The following RIMS2 variants were observed in gnomAD, a reference collection of about 807,000 sequenced individuals.
RIMS2 encodes regulating synaptic membrane exocytosis 2, also known as regulating synaptic membrane exocytosis protein 2.
RIMS2 carries 59 observed loss-of-function variants against 174.4 expected under a neutral mutation model. That is an observed-to-expected ratio of 0.34 (90% confidence interval 0.27 to 0.42). RIMS2 has a LOEUF of 0.42. RIMS2 is among the 10% of genes least tolerant of loss of function. The pLI, the probability that RIMS2 is intolerant of heterozygous loss-of-function variation, is 1.00. For missense variants in RIMS2, 1,620 were observed against 1,666.3 expected, an observed-to-expected ratio of 0.97 and a Z score of 0.48; for synonymous variants, 606 against 572.5, an observed-to-expected ratio of 1.06 and a Z score of -0.84.
chr8:103,610,418 G>C (rs1176163215), intron 1 of RIMS2, among the ~76,000 whole-genome samples: 1 of 152,116 alleles, frequency 6.6e-6, no homozygotes, highest in Non-Finnish European at 1.5e-5. Flanking sequence ...TGATTTTCAA[G>C]GGGAATGCCT....
At chr8:103,914,489 T>C (rs370048358) in intron 6 of RIMS2, among the ~76,000 whole-genome samples, 1 of 152,190 alleles carries the variant, frequency 6.6e-6, no homozygotes, top group African/African-American at 2.4e-5. Context: ...TTATAGCCAG[T>C]ATAATTAATT....
At chr8:104,254,201 G>GGT (rs1215601565), downstream of RIMS2, 4 of 64,770 alleles carry the variant, frequency 6.2e-5, no homozygotes, top group East Asian at 6.6e-4. Context: ...TTTAAAAGTT[G>GGT]GTGTTTTTTT....
rs758129988 is a variant in RIMS2 at position 103,652,602 on chromosome 8, C to T, written c.177-44484C>T. 9 of 1,250,124 alleles carry T rather than the reference C, an allele frequency of 7.2e-6. No homozygotes were observed. The South Asian group carries it at 1.1e-4, about 15-fold the overall frequency. The allele number at this position is 1,250,124 out of a possible 1,614,324, so 77.4% of individuals were successfully genotyped here. The stretch of plus-strand genomic sequence containing the variant: ...TGTTATTCATTTGGTTATTCAGTCA[C>T]ATTATTTGCTTATTTAAACAGGTGG... On this transcript the variant is annotated intron_variant, in intron 1 of 23. Transcript: ENST00000504942.
intron 19 of RIMS2, among the ~76,000 whole-genome samples, chr8:104,172,012 TG>T (rs2098835329): frequency 6.6e-6 from 1 of 152,158 alleles, no homozygotes; most frequent in African/African-American, 2.4e-5. Context: ...CTGTCTCCCA[TG>T]GGGTTGGAAT....
chr8:103,594,434 A>G (rs2094404379), intron 1 of RIMS2, among the ~76,000 whole-genome samples: 1 of 151,652 alleles, frequency 6.6e-6, no homozygotes, highest in African/African-American at 2.4e-5. Context: ...AACAGTATGT[A>G]TTAAATAAGG....
chr8:103,608,837 G>A (rs553282817), intron 1 of RIMS2, among the ~76,000 whole-genome samples: 5 of 152,296 alleles, frequency 3.3e-5, no homozygotes, highest in South Asian at 2.1e-4. Context: ...GCAATGCCTC[G>A]CCCTGCTTTG....
At chr8:104,035,841 A>G (rs901464884) in intron 19 of RIMS2, among the ~76,000 whole-genome samples, 1 of 152,120 alleles carries the variant, frequency 6.6e-6, no homozygotes, top group African/African-American at 2.4e-5. Context: ...TAAAATAAAC[A>G]TATTTTATTC....
intron 1 of RIMS2, among the ~76,000 whole-genome samples, chr8:103,506,183 T>C (rs1170909069): frequency 6.6e-6 from 1 of 152,098 alleles, no homozygotes; most frequent in East Asian, 1.9e-4. Context: ...AAAAAATTGA[T>C]TGACATTTTA....
intron 2 of RIMS2, among the ~76,000 whole-genome samples, chr8:103,759,564 CAAAAAAA>C (rs35946104): frequency 1.0e-3 from 71 of 70,016 alleles, no homozygotes; most frequent in Non-Finnish European, 1.5e-3. Context: ...GACTCCGTCT[CAAAAAAA>C]AAAAAAAAAA....
chr8:103,503,800 G>A (rs1357682166), intron 1 of RIMS2, among the ~76,000 whole-genome samples: 1 of 151,902 alleles, frequency 6.6e-6, no homozygotes, highest in Non-Finnish European at 1.5e-5. Flanking sequence ...ATACCTAGAT[G>A]CATATAATTT....
intron 1 of RIMS2, among the ~76,000 whole-genome samples, chr8:103,551,445 T>C (rs1847862845): frequency 6.6e-6 from 1 of 152,212 alleles, no homozygotes; most frequent in African/African-American, 2.4e-5. Context: ...TGATGGGATG[T>C]ATCTCAAAAT....
chr8:104,041,326 A>G (rs531544501), intron 19 of RIMS2: 47 of 698,696 alleles, frequency 6.7e-5, no homozygotes, highest in Non-Finnish European at 1.2e-4. Flanking sequence ...GTGATCACAG[A>G]AGAACTGGAC....
At chr8:103,993,659 C>T (rs16870872) in intron 17 of RIMS2, among the ~76,000 whole-genome samples, 2,552 of 152,056 alleles carry the variant, frequency 0.017, 34 homozygotes, top group Non-Finnish European at 0.027. Flanking sequence ...TGCTGTATTT[C>T]GGAAACATTT....
chr8:104,032,063 G>C (rs1029916414), intron 19 of RIMS2, among the ~76,000 whole-genome samples: 3 of 151,884 alleles, frequency 2.0e-5, no homozygotes, highest in Admixed American at 2.0e-4. Context: ...TTACATATTT[G>C]ATTATGTTGA....
intron 19 of RIMS2, among the ~76,000 whole-genome samples, chr8:104,220,903 C>T (rs7818077): frequency 0.034 from 5,122 of 152,192 alleles, 196 homozygotes; most frequent in East Asian, 0.15. Flanking sequence ...CACCTGAGCT[C>T]AGCTTGCCAA....
intron 3 of RIMS2, among the ~76,000 whole-genome samples, chr8:103,814,081 A>G (rs1238523229): frequency 6.6e-6 from 1 of 152,176 alleles, no homozygotes. Flanking sequence ...AAAGAACAAG[A>G]TTATGTTTTT....
chr8:103,920,570 CTACTT>C, intron 9 of RIMS2: 1 of 443,096 alleles, frequency 2.3e-6, no homozygotes, highest in South Asian at 1.6e-5. Flanking sequence ...ACACTAGTCT[CTACTT>C]TGACATTTGG....
intron 4 of RIMS2, among the ~76,000 whole-genome samples, chr8:103,886,902 C>T (rs2099206091): frequency 6.6e-6 from 1 of 151,530 alleles, no homozygotes; most frequent in Non-Finnish European, 1.5e-5. Flanking sequence ...GCTGTGGCTT[C>T]CATTTGCCAA....
At chr8:104,033,655 A>G (rs2154556583) in intron 19 of RIMS2, among the ~76,000 whole-genome samples, 1 of 151,090 alleles carries the variant, frequency 6.6e-6, no homozygotes, top group South Asian at 2.1e-4. Flanking sequence ...TTTCCTGTAT[A>G]CTAGGAAAAT....
Sources: gnomAD v4.1 joint callset for allele counts (sites outside exome capture counted in the v4.1 genomes callset) on GRCh38, gnomAD v4.1.1 for gene constraint, MANE v1.5 for transcripts, NCBI Gene and HGNC (gene_info 2026-07-23, HGNC 2026-07-21) for gene names.